Variants in NR3C2 observed in about 807,000 individuals in gnomAD.
NR3C2 encodes the protein mineralocorticoid receptor.
A neutral mutation model predicts 86.4 loss-of-function variants in NR3C2; 15 were observed. The observed-to-expected ratio is 0.17, with a 90% CI of 0.12 to 0.27. The LOEUF (loss-of-function observed/expected upper bound fraction) is 0.27. Among genes scored for constraint, NR3C2 ranks in the 10% least tolerant of loss-of-function variants. The pLI is 1.00. For synonymous variants in NR3C2, 458 were observed against 450.5 expected (o/e 1.02, Z -0.21); for missense variants, 960 against 1,195.6 (o/e 0.80, Z 2.91).
At chr4:148,207,232 T>A (rs1737050583) in intron 3 of NR3C2, among the ~76,000 whole-genome samples, 1 of 152,074 alleles carries the variant, frequency 6.6e-6, no homozygotes, top group African/African-American at 2.4e-5. Context: ...TTTAAATAGG[T>A]GATACTATCC....
At chr4:148,315,195 A>G (rs1743106709) in intron 2 of NR3C2, among the ~76,000 whole-genome samples, 1 of 152,164 alleles carries the variant, frequency 6.6e-6, no homozygotes. Flanking sequence ...CACAAAGTCC[A>G]GTAGGGTCTT....
chr4:148,348,730 T>C (rs1263876836), intron 2 of NR3C2, among the ~76,000 whole-genome samples: 1 of 152,166 alleles, frequency 6.6e-6, no homozygotes, highest in Non-Finnish European at 1.5e-5. Context: ...TGCTTATGTC[T>C]ACTTGTAAGG....
At chr4:148,220,898 A>AG (rs1737804820) in intron 3 of NR3C2, among the ~76,000 whole-genome samples, 1 of 152,200 alleles carries the variant, frequency 6.6e-6, no homozygotes. Flanking sequence ...GAGAGGTGCA[A>AG]CACACAAGGT....
intron 8 of NR3C2, among the ~76,000 whole-genome samples, chr4:148,104,342 G>GTTTTTTTTTTTTTT (rs57175085): frequency 3.1e-5 from 2 of 63,800 alleles, no homozygotes; most frequent in Non-Finnish European, 3.3e-5. Context: ...TTTTGGTTTG[G>GTTTTTTTTTTTTTT]TTTTTTTTTT....
At chr4:148,290,469 T>C (rs1052525265) in intron 2 of NR3C2, among the ~76,000 whole-genome samples, 2 of 152,168 alleles carry the variant, frequency 1.3e-5, no homozygotes, top group African/African-American at 2.4e-5. Flanking sequence ...ATAGTAAAGG[T>C]TGTTTCAAGC....
chr4:148,305,257 T>C (rs1348343834), intron 2 of NR3C2, among the ~76,000 whole-genome samples: 1 of 152,156 alleles, frequency 6.6e-6, no homozygotes, highest in Non-Finnish European at 1.5e-5. Context: ...AGATCAAGTA[T>C]CTTTTGGGTC....
At chr4:148,165,321 T>A (rs1217965122) in intron 4 of NR3C2, among the ~76,000 whole-genome samples, 1 of 152,160 alleles carries the variant, frequency 6.6e-6, no homozygotes, top group African/African-American at 2.4e-5. Flanking sequence ...CTAAGGAAGT[T>A]GCCTAAATTT....
rs569404279 is a variant in NR3C2 at position 148,318,957 on chromosome 4, T to C, written c.1758-58840A>G. Among the ~76,000 whole-genome samples, 244 of 151,478 alleles carry C rather than the reference T, an allele frequency of 1.6e-3. 1 individual carries two copies. Among genetic ancestry groups the C allele is most frequent in the African/African-American group, 5.5e-3 (226 of 41,120 alleles). On this transcript the variant is annotated intron_variant, in intron 2 of 8. Transcript: ENST00000358102. ...TAGACATGAAGTCCTTGCCCATGCC[T>C]ATGTCCTGAATGGTAATGCCTAGGT...
chr4:148,246,134 C>G (rs1739304251), intron 3 of NR3C2, among the ~76,000 whole-genome samples: 1 of 152,020 alleles, frequency 6.6e-6, no homozygotes, highest in African/African-American at 2.4e-5. Context: ...ACAGAGGGCT[C>G]TCTCCATGAG....
chr4:148,339,872 T>C (rs1744668510), intron 2 of NR3C2, among the ~76,000 whole-genome samples: 1 of 151,900 alleles, frequency 6.6e-6, no homozygotes, highest in Non-Finnish European at 1.5e-5. Flanking sequence ...AAAGTCAACA[T>C]ACAAAAAAAT....
chr4:148,205,997 C>G (rs1467391094), intron 3 of NR3C2, among the ~76,000 whole-genome samples: 1 of 152,082 alleles, frequency 6.6e-6, no homozygotes, highest in African/African-American at 2.4e-5. Context: ...CTTGTTAGAC[C>G]ATATGACACA....
chr4:148,137,892 C>T (rs1034172178), intron 6 of NR3C2, among the ~76,000 whole-genome samples: 8 of 151,894 alleles, frequency 5.3e-5, no homozygotes, highest in African/African-American at 1.9e-4. Flanking sequence ...ATTCTTCTCA[C>T]TTTTTTTGAA....
chr4:148,133,049 A>G (rs1733106785), intron 6 of NR3C2, among the ~76,000 whole-genome samples: 1 of 151,996 alleles, frequency 6.6e-6, no homozygotes. Context: ...TAATGTAAAA[A>G]TTAGTAGGGT....
At chr4:148,234,361 T>C (rs1738628917) in intron 3 of NR3C2, among the ~76,000 whole-genome samples, 1 of 152,058 alleles carries the variant, frequency 6.6e-6, no homozygotes, top group Admixed American at 6.6e-5. Flanking sequence ...CCAGTACTTA[T>C]ATAACCTTAT....
At chr4:148,404,514 T>G (rs1030327626) in intron 2 of NR3C2, among the ~76,000 whole-genome samples, 3 of 152,110 alleles carry the variant, frequency 2.0e-5, no homozygotes, top group African/African-American at 7.2e-5. Context: ...TGCACAAAAA[T>G]GCAAACAAAA....
chr4:148,334,716 C>A (rs1254257423), intron 2 of NR3C2, among the ~76,000 whole-genome samples: 2 of 152,210 alleles, frequency 1.3e-5, no homozygotes, highest in Non-Finnish European at 2.9e-5. Context: ...CATTCTTGAA[C>A]TAGTGTATTA....
At chr4:148,163,702 T>C (rs1021949357) in intron 4 of NR3C2, among the ~76,000 whole-genome samples, 2 of 151,968 alleles carry the variant, frequency 1.3e-5, no homozygotes, top group African/African-American at 2.4e-5. Context: ...GAGATTACAT[T>C]ATTTTATTAG....
intron 1 of NR3C2, among the ~76,000 whole-genome samples, chr4:148,438,614 A>G (rs1159590067): frequency 6.6e-6 from 1 of 152,176 alleles, no homozygotes; most frequent in African/African-American, 2.4e-5. Context: ...TTAAAAAAAA[A>G]CAAAAAACAC....
chr4:148,275,234 G>A (rs1309633838), intron 2 of NR3C2, among the ~76,000 whole-genome samples: 2 of 152,130 alleles, frequency 1.3e-5, no homozygotes, highest in Admixed American at 6.5e-5. Flanking sequence ...ATAAGTGTAA[G>A]GAATTAAATG....
Sources: allele counts gnomAD v4.1 joint callset (sites outside exome capture counted in the v4.1 genomes callset), GRCh38; gene constraint gnomAD v4.1.1; transcripts MANE v1.5; gene names NCBI Gene and HGNC (gene_info 2026-07-23, HGNC 2026-07-21).